RUFY3: variants seen among roughly 807,000 people sequenced by gnomAD.
The protein encoded by RUFY3 is RUN and FYVE domain containing 3.
Under a neutral mutation model 84.0 loss-of-function variants are expected in RUFY3, and 34 were observed. That is an observed-to-expected ratio of 0.40 (90% CI 0.31 to 0.54). The LOEUF is 0.54. RUFY3 is among the 20% of genes least tolerant of loss of function. The pLI, the probability that RUFY3 is intolerant of heterozygous loss-of-function variation, is 0.39. For missense variants in RUFY3, 507 were observed against 736.8 expected, an observed-to-expected ratio of 0.69 and a Z score of 3.61; for synonymous variants, 242 against 252.9, an observed-to-expected ratio of 0.96 and a Z score of 0.41.
chr4:70,732,815 G>A (rs1169575389), intron 1 of RUFY3, among the ~76,000 whole-genome samples: 5 of 152,074 alleles, frequency 3.3e-5, no homozygotes, highest in South Asian at 2.1e-4. Flanking sequence ...TATAAATGAC[G>A]AGTTGATGGG....
chr4:70,715,647 T>C lies in RUFY3; in HGVS notation c.358+10353T>C, dbSNP rs1005990489. ...TTCATGCTAACAGCAACTAGTGAAA[T>C]AGGGGGAAAATGAGATTTTTCTTCT... On this transcript the variant is annotated intron_variant, in intron 1 of 11. Coordinates refer to the RUFY3 transcript ENST00000417478. Among the ~76,000 whole-genome samples, 8 of 104,216 alleles carry C rather than the reference T, an allele frequency of 7.7e-5. 1 individual carries two copies. Among genetic ancestry groups the C allele is most frequent in the Admixed American group, 5.8e-4 (6 of 10,260 alleles). 68.4% of individuals were successfully genotyped at this position (104,216 alleles called of 152,430 possible). A position where few individuals can be genotyped will look rare whatever the true frequency, so the allele number is the denominator to read the frequency against.
At chr4:70,741,613 T>G (rs1721329312) in intron 1 of RUFY3, 1 of 1,518,764 alleles carries the variant, frequency 6.6e-7, no homozygotes, top group African/African-American at 1.4e-5. Context: ...CCTTTCTTTT[T>G]GCCGTTTGCA....
chr4:70,708,380 C>T (rs184299782), intron 1 of RUFY3, among the ~76,000 whole-genome samples: 14 of 151,890 alleles, frequency 9.2e-5, no homozygotes, highest in Admixed American at 5.2e-4. Flanking sequence ...GGCCAGGCTG[C>T]TCTCGAACTA....
rs1722129947 is a variant in RUFY3 at position 70,745,913 on chromosome 4, CG to C, written c.179-16605del. On this transcript the variant is annotated intron_variant, in intron 1 of 17. Coordinates refer to ENST00000381006, the MANE Select transcript of RUFY3 (RefSeq NM_001037442.4). Reference sequence around the variant, plus strand: ...CCAGCCTGGCCAACATGACAAAACCCGTCTCTACTAAAAATACAAAAAATTG... The same window carrying C: ...CCAGCCTGGCCAACATGACAAAACCCTCTCTACTAAAAATACAAAAAATTG... Among the ~76,000 whole-genome samples the C allele has an allele frequency of 2.0e-5, 3 of 152,152 alleles. No homozygotes were observed. In the South Asian group the frequency reaches 6.2e-4, roughly 32 times the overall value.
intron 4 of RUFY3, among the ~76,000 whole-genome samples, chr4:70,768,285 A>G (rs1166962659): frequency 6.6e-6 from 1 of 151,854 alleles, no homozygotes; most frequent in African/African-American, 2.4e-5. Context: ...TAAAGAATCT[A>G]TTCATGCGCC....
At chr4:70,755,857 A>G (rs1281866677) in intron 1 of RUFY3, among the ~76,000 whole-genome samples, 1 of 151,994 alleles carries the variant, frequency 6.6e-6, no homozygotes, top group Admixed American at 6.6e-5. Flanking sequence ...AGGCTGAGGC[A>G]GGAGAATGGC....
intron 15 of RUFY3, among the ~76,000 whole-genome samples, chr4:70,801,394 G>C (rs112344178): frequency 2.0e-5 from 3 of 152,132 alleles, no homozygotes; most frequent in African/African-American, 7.2e-5. Context: ...CTCATCAGTT[G>C]TAACAAATGT....
At chr4:70,731,437 A>G (rs921036896) in intron 1 of RUFY3, among the ~76,000 whole-genome samples, 3 of 152,236 alleles carry the variant, frequency 2.0e-5, no homozygotes, top group Admixed American at 6.5e-5. Flanking sequence ...AAATATTTAC[A>G]TAATCGTGCA....
chr4:70,775,345 G>A (rs1727753094), intron 7 of RUFY3, 112 bp downstream of exon 7: 8 of 653,118 alleles, frequency 1.2e-5, no homozygotes. Context: ...AATATATGTA[G>A]AATTCCTGTT....
chr4:70,746,479 C>G (rs1020309495), intron 1 of RUFY3, among the ~76,000 whole-genome samples: 2 of 149,982 alleles, frequency 1.3e-5, no homozygotes, highest in African/African-American at 4.9e-5. Context: ...TGCATTCCAG[C>G]CTGGGTGACT....
At chr4:70,727,727 C>T (rs556695739) in intron 1 of RUFY3, among the ~76,000 whole-genome samples, 7 of 146,602 alleles carry the variant, frequency 4.8e-5, no homozygotes, top group African/African-American at 1.3e-4. Context: ...GCAGGGGTTG[C>T]GGTGAGCCGA....
chr4:70,729,218 A>G (rs1718799797), intron 1 of RUFY3, among the ~76,000 whole-genome samples: 1 of 152,160 alleles, frequency 6.6e-6, no homozygotes, highest in African/African-American at 2.4e-5. Context: ...AGTACTCAGT[A>G]GTCATGTGAC....
At chr4:70,800,622 G>A (rs541639443) in intron 15 of RUFY3, among the ~76,000 whole-genome samples, 97 of 152,284 alleles carry the variant, frequency 6.4e-4, no homozygotes, top group Non-Finnish European at 1.2e-3. Flanking sequence ...AGTGGCTCAC[G>A]CCTGTAATCC....
At chr4:70,784,062 T>C (rs996829857) in intron 9 of RUFY3, among the ~76,000 whole-genome samples, 1 of 152,242 alleles carries the variant, frequency 6.6e-6, no homozygotes, top group Non-Finnish European at 1.5e-5. Context: ...ACTTTAATAA[T>C]GCATGGACTT....
At chr4:70,782,078 T>C (rs2148770416) in intron 8 of RUFY3, among the ~76,000 whole-genome samples, 1 of 152,302 alleles carries the variant, frequency 6.6e-6, no homozygotes, top group South Asian at 2.1e-4. Flanking sequence ...GTCTTTAATC[T>C]TTTAAGAAAT....
chr4:70,750,262 A>G (rs1722919350), intron 1 of RUFY3, among the ~76,000 whole-genome samples: 1 of 152,184 alleles, frequency 6.6e-6, no homozygotes, highest in African/African-American at 2.4e-5. Flanking sequence ...ATTATTGCCA[A>G]TCTTATTTAA....
chr4:70,778,752 A>AT (rs1435583870), intron 8 of RUFY3, among the ~76,000 whole-genome samples: 1 of 151,012 alleles, frequency 6.6e-6, no homozygotes, highest in Non-Finnish European at 1.5e-5. Context: ...CTAATTTTGT[A>AT]TTTTTTTAGT....
chr4:70,714,741 G>C (rs985800497), intron 1 of RUFY3, among the ~76,000 whole-genome samples: 8 of 152,136 alleles, frequency 5.3e-5, no homozygotes, highest in African/African-American at 1.9e-4. Context: ...ATATTTCTTT[G>C]GTGGAGCTTC....
At chr4:70,742,345 A>G (rs192972349) in intron 1 of RUFY3, among the ~76,000 whole-genome samples, 2 of 152,278 alleles carry the variant, frequency 1.3e-5, no homozygotes, top group Non-Finnish European at 2.9e-5. Context: ...TGAGATTTGA[A>G]TCTACTTTAT....
Sources: gnomAD v4.1 joint callset for allele counts (sites outside exome capture counted in the v4.1 genomes callset) on GRCh38, gnomAD v4.1.1 for gene constraint, MANE v1.5 for transcripts, NCBI Gene and HGNC (gene_info 2026-07-23, HGNC 2026-07-21) for gene names.